The following CELSR1 variants were observed in gnomAD, a reference collection of about 807,000 sequenced individuals.
The protein encoded by CELSR1 is cadherin EGF LAG seven-pass G-type receptor 1.
A neutral mutation model predicts 249.1 loss-of-function variants in CELSR1; 110 were observed. The ratio of observed to expected loss-of-function variants is 0.44; its 90% CI spans 0.38 to 0.52. CELSR1 has a LOEUF of 0.52. Ranked by LOEUF, CELSR1 falls within the 20% of genes least tolerant of loss-of-function variation. CELSR1 has a pLI of 0.00. For synonymous variants in CELSR1, 2,113 were observed against 1,900.0 expected (o/e 1.11, Z -2.92); for missense variants, 4,109 against 4,296.4 (o/e 0.96, Z 1.22).
rs2080641912 is a variant in CELSR1, at chr22:46,517,633, G to A, written c.3544+15994C>T. ...ACAGACGCACCCCTGACCTCTGACG[G>A]CCACATGCAGGACAGACAGGAAGTC... On this transcript the variant is annotated intron_variant, in intron 1 of 34. Coordinates refer to ENST00000674500, the MANE Select transcript of CELSR1 (RefSeq NM_001378328.1). The surrounding 1 kb of genome is among the most constrained non-coding windows in gnomAD (Gnocchi z 5.4). 6.6e-6 allele frequency among the ~76,000 whole-genome samples: 1 copy of A among 152,194 alleles called. No individual in the cohort carries two copies. Among genetic ancestry groups the A allele is most frequent in the African/African-American group, 2.4e-5 (1 of 41,444 alleles).
intron 1 of CELSR1, among the ~76,000 whole-genome samples, chr22:46,524,296 C>G (rs2080715477): frequency 6.6e-6 from 1 of 152,224 alleles, no homozygotes; most frequent in South Asian, 2.1e-4. Flanking sequence ...CCCGCGCCCA[C>G]TTCTCAATCA....
intron 1 of CELSR1, among the ~76,000 whole-genome samples, chr22:46,469,582 C>G (rs2080132745): frequency 6.6e-6 from 1 of 152,128 alleles, no homozygotes; most frequent in South Asian, 2.1e-4. Context: ...ATGATGCAAT[C>G]TCAGCTCACC....
chr22:46,535,754 C>G lies in CELSR1; in HGVS notation c.1417G>C (p.Gly473Arg), dbSNP rs1353870400. The change falls in exon 1 of 35, where the codon GGG becomes CGG. Residue 473 changes from glycine (G) to arginine (R), a missense_variant. Gly to Arg is a moderately radical substitution (Grantham distance 125). This residue lies in a region of CELSR1 where 135 missense variants were observed against 190.0 expected (regional missense o/e 0.71). Transcript: ENST00000674500. ...ACTCGCAGCACAGCCGTGTTGAGCC[C>G]CACGTCCTCGGGCACCTGGACCACG... ...NYVVQVPEDV[G>R]LNTAVLRVQA... is the part of the protein sequence containing the mutation. 6.2e-7 allele frequency: 1 copy of G among 1,612,558 alleles called. No homozygotes were observed. The highest frequency in any genetic ancestry group is 8.5e-7 in the Non-Finnish European group (1 of 1,180,014).
At chr22:46,496,129 G>A (rs980892793) in intron 1 of CELSR1, among the ~76,000 whole-genome samples, 14 of 151,868 alleles carry the variant, frequency 9.2e-5, no homozygotes, top group African/African-American at 2.4e-4. Flanking sequence ...GGGAGGTGGG[G>A]GTTGCAGTGA....
At chr22:46,531,140 G>A (rs1416486115) in intron 1 of CELSR1, among the ~76,000 whole-genome samples, 1 of 152,004 alleles carries the variant, frequency 6.6e-6, no homozygotes, top group Non-Finnish European at 1.5e-5. Flanking sequence ...TTACTTATTT[G>A]GAGCATTAAA....
In CELSR1 at chr22:46,437,801, CTCTT is replaced by C. The variant is rs1039401589; in HGVS notation, c.4406+1384_4406+1387del. Among the ~76,000 whole-genome samples the C allele has an allele frequency of 2.6e-5, 4 of 152,004 alleles. No homozygotes were observed. The highest frequency in any genetic ancestry group is 9.7e-5 in the African/African-American group (4 of 41,368). On this transcript the variant is annotated intron_variant, in intron 3 of 34. Coordinates refer to ENST00000674500, the MANE Select transcript of CELSR1 (RefSeq NM_001378328.1). The surrounding 1 kb of genome is among the most constrained non-coding windows in gnomAD (Gnocchi z 4.9). ...TTCCCAACTGTCGCCCAAACCCCCT[CTCTT>C]TAGAATGCAAGCAAGAAATGACGAC...
intron 1 of CELSR1, among the ~76,000 whole-genome samples, chr22:46,502,090 C>T (rs2147736241): frequency 6.6e-6 from 1 of 151,838 alleles, no homozygotes; most frequent in South Asian, 2.1e-4. Context: ...TGTAGCAAGG[C>T]TCCATCTCCA....
chr22:46,477,117 T>C (rs182977175), intron 1 of CELSR1, among the ~76,000 whole-genome samples: 1 of 152,202 alleles, frequency 6.6e-6, no homozygotes, highest in Non-Finnish European at 1.5e-5. Flanking sequence ...GTGGAACTAC[T>C]TCTCCTTCCA....
intron 1 of CELSR1, among the ~76,000 whole-genome samples, chr22:46,505,198 C>T (rs2080503367): frequency 8.0e-6 from 1 of 125,424 alleles, no homozygotes; most frequent in Non-Finnish European, 1.6e-5. Flanking sequence ...GGAGGCAGAG[C>T]TTGCAATGAG....
At chr22:46,364,882 C>T (rs1602018129) in intron 32 of CELSR1, 146 bp from the exon 33 acceptor site, 2 of 854,372 alleles carry the variant, frequency 2.3e-6, no homozygotes, top group East Asian at 5.3e-5. Flanking sequence ...GAAACTGAGG[C>T]CCAGGAGGGC....
rs566117116 is a variant in CELSR1 at position 46,427,382 on chromosome 22, C to T, written c.4611+6011G>A. Among the ~76,000 whole-genome samples, 2 of 152,272 alleles carry T rather than the reference C, an allele frequency of 1.3e-5. No homozygotes were observed. The highest frequency in any genetic ancestry group is 3.9e-4 in the East Asian group (2 of 5,176). On this transcript the variant is annotated intron_variant, in intron 5 of 34. Coordinates refer to ENST00000674500, the MANE Select transcript of CELSR1 (RefSeq NM_001378328.1). This position sits in a 1 kb window ranked among gnomAD's most constrained non-coding sequence, Gnocchi z 4.2. ...GAAACTCCAATCTCTACTAAAAGTACAAAAATTAACCGGGTGTGGTGGCGC... is the reference window on the plus strand; with the variant it reads ...GAAACTCCAATCTCTACTAAAAGTATAAAAATTAACCGGGTGTGGTGGCGC...
chr22:46,434,409 C>T lies in CELSR1; in HGVS notation c.4523-928G>A, dbSNP rs906467488. Among the ~76,000 whole-genome samples, 1 of 152,168 alleles carries T rather than the reference C, an allele frequency of 6.6e-6. No individual in the cohort carries two copies. The highest frequency in any genetic ancestry group is 1.5e-5 in the Non-Finnish European group (1 of 68,032). ...GTACCAGGTCCCGGGCAGAGAATACCGTCTCCAGGGAACCAGCAGGAGTTC... is the reference window on the plus strand; with the variant it reads ...GTACCAGGTCCCGGGCAGAGAATACTGTCTCCAGGGAACCAGCAGGAGTTC... On this transcript the variant is annotated intron_variant, in intron 4 of 34. Coordinates refer to ENST00000674500, the MANE Select transcript of CELSR1 (RefSeq NM_001378328.1). The surrounding 1 kb of genome is among the most constrained non-coding windows in gnomAD (Gnocchi z 4.9).
chr22:46,504,927 A>G (rs1244583011), intron 1 of CELSR1, among the ~76,000 whole-genome samples: 3 of 152,224 alleles, frequency 2.0e-5, no homozygotes, highest in Admixed American at 6.5e-5. Flanking sequence ...GGCTGAATAT[A>G]TTGCAATACA....
chr22:46,403,392 C>CAAAA (rs61497637), intron 9 of CELSR1, among the ~76,000 whole-genome samples: 1,403 of 116,170 alleles, frequency 0.012, 24 homozygotes, highest in African/African-American at 0.03. Flanking sequence ...ACTAAAAATA[C>CAAAA]AAAAAAAAAA....
At chr22:46,435,278 A>ATT (rs2079645310) in intron 4 of CELSR1, among the ~76,000 whole-genome samples, 1 of 137,710 alleles carries the variant, frequency 7.3e-6, no homozygotes, top group African/African-American at 3.3e-5. Flanking sequence ...AAAAAAAAAA[A>ATT]ATTTTTTTTT....
chr22:46,529,041 G>T (rs1240027815), intron 1 of CELSR1, among the ~76,000 whole-genome samples: 6 of 151,124 alleles, frequency 4.0e-5, no homozygotes, highest in African/African-American at 1.5e-4. Context: ...CAAGGCAGGT[G>T]GATCACGAGG....
intron 2 of CELSR1, among the ~76,000 whole-genome samples, chr22:46,453,035 G>A (rs138133845): frequency 5.9e-5 from 9 of 151,794 alleles, no homozygotes; most frequent in East Asian, 1.9e-4. Flanking sequence ...GCAGCCTGGC[G>A]CCCCACTGAG....
rs373399653 is a variant in CELSR1, at chr22:46,533,697, G to A, written c.3474C>T (p.Gly1158=). ...CCAGGTCGCGGCTGAGCTGCAGTTC[G>A]CCCGTGGCGGGGTCCAGCAGCAACA... The part of the protein sequence containing the change: ...LRLLLLDPAT[G]ELQLSRDLDN... Residue 1158 remains glycine, a synonymous_variant, in exon 1 of 35, where the codon GGC becomes GGT. Transcript: ENST00000674500. 4.5e-5 allele frequency: 73 copies of A among 1,611,180 alleles called. 1 individual carries two copies. In the South Asian group the frequency reaches 7.3e-4, roughly 16 times the overall value.
chr22:46,511,113 C>CAA (rs1455731909), intron 1 of CELSR1, among the ~76,000 whole-genome samples: 4 of 73,584 alleles, frequency 5.4e-5, no homozygotes, highest in East Asian at 8.5e-4. Flanking sequence ...GACTTCGTCT[C>CAA]AAAAACACAC....
Sources: allele counts gnomAD v4.1 joint callset (sites outside exome capture counted in the v4.1 genomes callset), GRCh38; gene constraint gnomAD v4.1.1; regional missense constraint gnomAD v4.1.1; non-coding constraint Gnocchi (gnomAD v3.1); transcripts MANE v1.5; gene names NCBI Gene and HGNC (gene_info 2026-07-23, HGNC 2026-07-21).